The following UBE2N variants were observed in gnomAD, a reference collection of about 807,000 sequenced individuals.
The protein encoded by UBE2N is ubiquitin conjugating enzyme E2 N, also known as ubiquitin-conjugating enzyme E2 N.
For missense variants in UBE2N, 60 were observed against 192.1 expected, an observed-to-expected ratio of 0.31 and a Z score of 4.07; for synonymous variants, 70 against 69.2, an observed-to-expected ratio of 1.01 and a Z score of -0.06.
chr12:93,409,763 C>G lies in UBE2N; in HGVS notation c.*276G>C. The G allele has an allele frequency of 2.5e-6, 1 of 402,256 alleles. No homozygotes were observed. Among genetic ancestry groups the G allele is most frequent in the South Asian group, 3.6e-5 (1 of 27,916 alleles). The allele number at this position is 402,256 out of a possible 1,614,324, so 24.9% of individuals were successfully genotyped here. ...CATTCACAGTGCTTTATACTTAAACCAGGATGGGGGAAATGAATAAAAGCA... is the reference window on the plus strand; with the variant it reads ...CATTCACAGTGCTTTATACTTAAACGAGGATGGGGGAAATGAATAAAAGCA... On this transcript the variant is annotated 3_prime_UTR_variant, in exon 4 of 4. Coordinates refer to ENST00000318066, the MANE Select transcript of UBE2N (RefSeq NM_003348.4).
In UBE2N at chr12:93,409,353, A is replaced by G. The variant is rs1877964335; in HGVS notation, c.*686T>C. Reference sequence around the variant, plus strand: ...ACAGTAAAATAAACTGTACAAAGGCAAAGTAGAATAACAAAAAATATTTTA... The same window carrying G: ...ACAGTAAAATAAACTGTACAAAGGCGAAGTAGAATAACAAAAAATATTTTA... On this transcript the variant is annotated 3_prime_UTR_variant, in exon 4 of 4. Transcript: ENST00000318066. The G allele has an allele frequency of 6.1e-6, 1 of 163,342 alleles. No homozygotes were observed. Among genetic ancestry groups the G allele is most frequent in the Admixed American group, 6.5e-5 (1 of 15,284 alleles). 10.1% of individuals were successfully genotyped at this position (163,342 alleles called of 1,614,324 possible).
intron 3 of UBE2N, 66 bp downstream of exon 3, chr12:93,410,668 A>G: frequency 6.3e-7 from 1 of 1,592,750 alleles, no homozygotes; most frequent in Non-Finnish European, 8.6e-7. Context: ...AGCTTTAGAA[A>G]AGTTTAAGTG....
intron 1 of UBE2N, among the ~76,000 whole-genome samples, chr12:93,420,425 C>T: frequency 6.6e-6 from 1 of 152,144 alleles, no homozygotes; most frequent in East Asian, 1.9e-4. Flanking sequence ...ATCTGAGATA[C>T]ATCAGAATGT....
At chr12:93,416,342 A>G (rs1050271970) in intron 1 of UBE2N, among the ~76,000 whole-genome samples, 1 of 152,218 alleles carries the variant, frequency 6.6e-6, no homozygotes, top group African/African-American at 2.4e-5. Flanking sequence ...ATGACTAACT[A>G]AAATACCTTC....
intron 1 of UBE2N, among the ~76,000 whole-genome samples, chr12:93,418,898 T>C (rs1878307999): frequency 6.6e-6 from 1 of 152,202 alleles, no homozygotes; most frequent in African/African-American, 2.4e-5. Context: ...CACATGTTAA[T>C]TTAAACTAGT....
intron 1 of UBE2N, among the ~76,000 whole-genome samples, chr12:93,416,420 G>A (rs1017696344): frequency 2.0e-5 from 3 of 152,006 alleles, no homozygotes; most frequent in African/African-American, 4.8e-5. Context: ...AGAAGTAAAG[G>A]GCTAAAATTC....
chr12:93,437,940 C>G (rs1323003331), intron 1 of UBE2N, among the ~76,000 whole-genome samples: 1 of 152,104 alleles, frequency 6.6e-6, no homozygotes. Context: ...GATACATAAG[C>G]AGAGTAGGCA....
At chr12:93,424,746 C>T (rs1424380140) in intron 1 of UBE2N, among the ~76,000 whole-genome samples, 1 of 152,182 alleles carries the variant, frequency 6.6e-6, no homozygotes, top group Non-Finnish European at 1.5e-5. Context: ...TTGCAAAGAT[C>T]AACTTTATTA....
chr12:93,411,273 T>C lies in UBE2N; in HGVS notation c.57A>G (p.Pro19=), dbSNP rs1170778244. The change falls in exon 2 of 4, where the codon CCA becomes CCG. Residue 19 remains proline (P), a synonymous_variant. Transcript: ENST00000318066. ...CTGGTTCGGCTTTGATGCCAGGAAC[T>C]GGTTCTGCCAGCAAACGCTGGGTTT... ...IKETQRLLAE[P]VPGIKAEPDE... 3.7e-6 allele frequency: 6 copies of C among 1,606,570 alleles called. No homozygotes were observed. Among genetic ancestry groups the C allele is most frequent in the Non-Finnish European group, 5.1e-6 (6 of 1,175,300 alleles).
chr12:93,433,078 A>G (rs7305153), intron 1 of UBE2N, among the ~76,000 whole-genome samples: 18,662 of 151,652 alleles, frequency 0.12, 3,706 homozygotes, highest in African/African-American at 0.42. Context: ...GACTACAGGC[A>G]CCCACCACCA....
intron 1 of UBE2N, among the ~76,000 whole-genome samples, chr12:93,417,793 T>C (rs1400918997): frequency 3.3e-5 from 5 of 152,100 alleles, no homozygotes; most frequent in Non-Finnish European, 5.9e-5. Context: ...TTCTAAAATA[T>C]TAACAAACAG....
Position 93,411,046 on chromosome 12 carries a change from CACTT to C in UBE2N, c.277+3_277+6del. ...TAATAGCATATGCTGATAAAGATAACACTTACCTTTCAAAATATCTAAACATATT... is the reference window on the plus strand; with the variant it reads ...TAATAGCATATGCTGATAAAGATAACACCTTTCAAAATATCTAAACATATT... On this transcript the variant is annotated splice_donor_5th_base_variant and intron_variant, in intron 2 of 3. Coordinates refer to ENST00000318066, the MANE Select transcript of UBE2N (RefSeq NM_003348.4). The C allele has an allele frequency of 6.2e-7, 1 of 1,614,086 alleles. No homozygotes were observed. Among genetic ancestry groups the C allele is most frequent in the Admixed American group, 1.7e-5 (1 of 60,028 alleles).
At chr12:93,437,597 G>A (rs1396952243) in intron 1 of UBE2N, among the ~76,000 whole-genome samples, 1 of 152,154 alleles carries the variant, frequency 6.6e-6, no homozygotes. Flanking sequence ...AGGAGTTTGA[G>A]ACCAGCATGG....
intron 1 of UBE2N, among the ~76,000 whole-genome samples, chr12:93,412,981 T>C (rs1306331019): frequency 6.6e-6 from 1 of 152,254 alleles, no homozygotes; most frequent in Non-Finnish European, 1.5e-5. Flanking sequence ...GAGAAGTTAC[T>C]ATTTATTCCT....
intron 1 of UBE2N, among the ~76,000 whole-genome samples, chr12:93,428,914 T>C (rs1203249326): frequency 6.6e-6 from 1 of 152,176 alleles, no homozygotes; most frequent in African/African-American, 2.4e-5. Context: ...CTTGCAGCAC[T>C]TTTAGTTTAA....
rs756563239 is a variant in UBE2N at position 93,411,162 on chromosome 12, T to C, written c.168A>G (p.Leu56=). Residue 56 remains leucine (L), a synonymous_variant, in exon 2 of 4, where the codon CTA becomes CTG. Coordinates refer to ENST00000318066, the MANE Select transcript of UBE2N (RefSeq NM_003348.4). ...PFEGGTFKLE[L]FLPEEYPMAA... ...CCATTGGGTATTCTTCTGGAAGGAATAGTTCAAGTTTAAAAGTCCCTCCCT... is the reference window on the plus strand; with the variant it reads ...CCATTGGGTATTCTTCTGGAAGGAACAGTTCAAGTTTAAAAGTCCCTCCCT... 5 of 1,614,230 alleles carry C rather than the reference T, an allele frequency of 3.1e-6. No homozygotes were observed. The highest frequency in any genetic ancestry group is 1.1e-5 in the South Asian group (1 of 91,084).
intron 2 of UBE2N, 62 bp from the exon 3 acceptor site, chr12:93,410,936 C>T: frequency 6.2e-7 from 1 of 1,614,002 alleles, no homozygotes; most frequent in African/African-American, 1.3e-5. Context: ...AACTGCTTCA[C>T]TTCCCTCCCA....
At position 93,408,458 on chromosome 12, in the gene UBE2N, T is replaced by A. The variant is rs1475056002; in HGVS notation, c.*1581A>T. 1 of 152,190 alleles carries A rather than the reference T, an allele frequency of 6.6e-6. No homozygotes were observed. 9.4% of individuals were successfully genotyped at this position (152,190 alleles called of 1,614,324 possible). On this transcript the variant is annotated 3_prime_UTR_variant, in exon 4 of 4. Coordinates refer to ENST00000318066, the MANE Select transcript of UBE2N (RefSeq NM_003348.4). ...CCACAATCTGAAGAAACTCCAGAAT[T>A]ACGAGAATAAGAGTGAAGAAAATTC...
chr12:93,434,543 T>C (rs1878871596), intron 1 of UBE2N, among the ~76,000 whole-genome samples: 1 of 152,226 alleles, frequency 6.6e-6, no homozygotes, highest in Admixed American at 6.5e-5. Context: ...TACTTTCAGT[T>C]ATGCTCACAT....
Sources: allele counts gnomAD v4.1 joint callset (sites outside exome capture counted in the v4.1 genomes callset), GRCh38; gene constraint gnomAD v4.1.1; transcripts MANE v1.5; gene names NCBI Gene and HGNC (gene_info 2026-07-23, HGNC 2026-07-21).